UGT2B7: variants seen among roughly 807,000 people sequenced by gnomAD.
UGT2B7 encodes the protein UDP glucuronosyltransferase family 2 member B7.
A neutral mutation model predicts 51.9 loss-of-function variants in UGT2B7; 51 were observed. That is an observed-to-expected ratio of 0.98 (90% CI 0.78 to 1.24). The LOEUF (loss-of-function observed/expected upper bound fraction) is 1.24. Among genes scored for constraint, UGT2B7 ranks in the 50% most tolerant of loss-of-function variants. The probability of loss-of-function intolerance (pLI) is 0.00; values close to 1 mark genes in which losing one functional copy is unlikely to be tolerated. For missense variants in UGT2B7, 727 were observed against 628.4 expected (o/e 1.16, Z -1.68); for synonymous variants, 225 against 211.6 (o/e 1.06, Z -0.55).
chr4:69,091,819 C>T (rs1400406356), upstream of UGT2B7, among the ~76,000 whole-genome samples: 1 of 152,216 alleles, frequency 6.6e-6, no homozygotes, highest in Non-Finnish European at 1.5e-5. Context: ...TGTTTACTTA[C>T]TACAGGCTTT....
intron 2 of UGT2B7, among the ~76,000 whole-genome samples, chr4:69,101,972 C>A (rs2109888068): frequency 6.6e-6 from 1 of 152,200 alleles, no homozygotes; most frequent in South Asian, 2.1e-4. Flanking sequence ...GATGAGAGTT[C>A]CTCACATGCA....
intron 5 of UGT2B7, among the ~76,000 whole-genome samples, chr4:69,109,833 TG>T (rs1290145243): frequency 1.3e-5 from 2 of 152,234 alleles, no homozygotes; most frequent in African/African-American, 2.4e-5. Flanking sequence ...CTATCAATAA[TG>T]TTTTTTTATA....
intron 1 of UGT2B7, among the ~76,000 whole-genome samples, chr4:69,058,746 A>C (rs1718274226): frequency 6.6e-6 from 1 of 152,308 alleles, no homozygotes; most frequent in South Asian, 2.1e-4. Context: ...CAAGTTGTAC[A>C]TTAACGGAGA....
At chr4:69,086,427 A>T (rs1019083638) in intron 1 of UGT2B7, among the ~76,000 whole-genome samples, 1 of 151,908 alleles carries the variant, frequency 6.6e-6, no homozygotes, top group East Asian at 1.9e-4. Context: ...TTCATGTGCT[A>T]TTGAGAAGAT....
At chr4:69,068,223 C>T (rs900239518) in intron 1 of UGT2B7, among the ~76,000 whole-genome samples, 1 of 151,864 alleles carries the variant, frequency 6.6e-6, no homozygotes, top group African/African-American at 2.4e-5. Context: ...ATTTAATGTT[C>T]TCCAGATTTT....
chr4:69,103,329 C>T (rs533812828), intron 3 of UGT2B7, among the ~76,000 whole-genome samples: 2 of 152,034 alleles, frequency 1.3e-5, no homozygotes, highest in Non-Finnish European at 2.9e-5. Flanking sequence ...CATCCACCGA[C>T]AGAAGTAATA....
intron 3 of UGT2B7, among the ~76,000 whole-genome samples, chr4:69,106,387 T>C (rs1471961794): frequency 6.6e-6 from 1 of 152,178 alleles, no homozygotes; most frequent in Non-Finnish European, 1.5e-5. Context: ...TTGCTAAGGA[T>C]AATGGCCTCC....
chr4:69,106,285 T>C (rs1339289359), intron 3 of UGT2B7, among the ~76,000 whole-genome samples: 1 of 152,082 alleles, frequency 6.6e-6, no homozygotes, highest in East Asian at 1.9e-4. Flanking sequence ...CAGTGTATGT[T>C]GTTCCTGTCT....
intron 1 of UGT2B7, among the ~76,000 whole-genome samples, chr4:69,087,920 G>T (rs1055890383): frequency 1.3e-5 from 2 of 151,692 alleles, no homozygotes; most frequent in African/African-American, 2.4e-5. Flanking sequence ...ATGTGCCTTT[G>T]GGAAATACTC....
chr4:69,075,447 G>T (rs996839144), intron 1 of UGT2B7, among the ~76,000 whole-genome samples: 3 of 151,758 alleles, frequency 2.0e-5, no homozygotes, highest in African/African-American at 4.8e-5. Context: ...ACACTTTGGA[G>T]CCCAGTGTCA....
intron 1 of UGT2B7, among the ~76,000 whole-genome samples, chr4:69,060,753 C>A (rs1255230554): frequency 6.6e-6 from 1 of 152,204 alleles, no homozygotes; most frequent in African/African-American, 2.4e-5. Flanking sequence ...AAGTGACAAT[C>A]CAGCTACTGC....
rs147120761 is a variant in UGT2B7, at chr4:69,096,958, C to T, written c.438C>T (p.Asp146=). The change falls in exon 1 of 6, where the codon GAC becomes GAT. Residue 146 remains aspartate (D), a synonymous_variant. Coordinates refer to ENST00000305231, the MANE Select transcript of UGT2B7 (RefSeq NM_001074.4). ...FMKKVQESRF[D]VIFADAIFPC... ...AAAAAGTACAAGAGTCAAGATTTGA[C>T]GTCATTTTTGCAGATGCTATTTTTC... 2.4e-5 allele frequency: 39 copies of T among 1,613,336 alleles called. No individual in the cohort carries two copies. The highest frequency in any genetic ancestry group is 1.5e-4 in the African/African-American group (11 of 74,836).
At position 69,096,628 on chromosome 4, in the gene UGT2B7, G is replaced by A. The variant is rs202055250; in HGVS notation, c.108G>A (p.Trp36Ter). 45 of 1,613,916 alleles carry A rather than the reference G, an allele frequency of 2.8e-5. No individual in the cohort carries two copies. Among genetic ancestry groups the A allele is most frequent in the Admixed American group, 1.3e-4 (8 of 59,982 alleles). ...TGTGGGCAGCAGAATACAGCCATTGGATGAATATAAAGACAATCCTGGATG... is the reference window on the plus strand; with the variant it reads ...TGTGGGCAGCAGAATACAGCCATTGAATGAATATAAAGACAATCCTGGATG... ...VLVWAAEYSH[W>*]MNIKTILDEL... is the part of the protein sequence containing the mutation. The change falls in exon 1 of 6, where the codon TGG becomes TGA. Residue 36 changes from tryptophan (W) to a stop codon, truncating the protein, a stop_gained. Coordinates refer to ENST00000305231, the MANE Select transcript of UGT2B7 (RefSeq NM_001074.4). LOFTEE classifies it high-confidence loss of function.
At position 69,097,179 on chromosome 4, in the gene UGT2B7, T is replaced by A; in HGVS notation, c.659T>A (p.Phe220Tyr). The A allele has an allele frequency of 6.2e-7, 1 of 1,613,010 alleles. No homozygotes were observed. The highest frequency in any genetic ancestry group is 8.5e-7 in the Non-Finnish European group (1 of 1,179,444). The part of the protein sequence containing the change: ...RVKNMIYVLY[F>Y]DFWFEIFDMK... The stretch of plus-strand genomic sequence containing the variant: ...AAAAATATGATCTATGTGCTTTACT[T>A]TGACTTTTGGTTCGAAATATTTGAC... The change falls in exon 1 of 6, where the codon TTT (phenylalanine) becomes TAT (tyrosine). Residue 220 changes from phenylalanine (F) to tyrosine (Y), a missense_variant. Coordinates refer to ENST00000305231, the MANE Select transcript of UGT2B7 (RefSeq NM_001074.4).
chr4:69,067,411 CA>C (rs1718504160), intron 1 of UGT2B7: 1 of 158,790 alleles, frequency 6.3e-6, no homozygotes, highest in African/African-American at 2.4e-5. Context: ...AGGTCATCCA[CA>C]AACCAAAGCT....
intron 1 of UGT2B7, among the ~76,000 whole-genome samples, chr4:69,084,595 G>A (rs1718908436): frequency 1.3e-5 from 2 of 151,810 alleles, no homozygotes; most frequent in African/African-American, 2.4e-5. Context: ...TTAGGTATTT[G>A]TCCTAATGCT....
intron 5 of UGT2B7, among the ~76,000 whole-genome samples, chr4:69,112,090 T>C (rs10006452): frequency 0.62 from 94,803 of 152,040 alleles, 30,977 homozygotes; most frequent in African/African-American, 0.8. Flanking sequence ...CCACACCCTG[T>C]GCCTGATAGT....
intron 1 of UGT2B7, among the ~76,000 whole-genome samples, chr4:69,061,224 C>T (rs1718338500): frequency 6.6e-6 from 1 of 152,160 alleles, no homozygotes; most frequent in Non-Finnish European, 1.5e-5. Flanking sequence ...ATGCTTTTGC[C>T]ACTTTGCATG....
chr4:69,060,880 A>G (rs1464004148), intron 1 of UGT2B7, among the ~76,000 whole-genome samples: 2 of 152,204 alleles, frequency 1.3e-5, no homozygotes, highest in Non-Finnish European at 2.9e-5. Context: ...GACTGTGAGT[A>G]CCCTAAACCC....
Sources: allele counts gnomAD v4.1 joint callset (sites outside exome capture counted in the v4.1 genomes callset), GRCh38; gene constraint gnomAD v4.1.1; transcripts MANE v1.5; gene names NCBI Gene and HGNC (gene_info 2026-07-23, HGNC 2026-07-21).